FABP6: variants seen among roughly 807,000 people sequenced by gnomAD.
The protein encoded by FABP6 is gastrotropin.
A neutral mutation model predicts 14.9 loss-of-function variants in FABP6; 13 were observed. That is an observed-to-expected ratio of 0.87 (90% CI 0.57 to 1.39). The LOEUF (loss-of-function observed/expected upper bound fraction) is 1.39, where lower values mean the gene tolerates loss of function less well. Ranked by LOEUF, FABP6 falls within the 40% of genes most tolerant of loss-of-function variation. The probability of loss-of-function intolerance (pLI) is 0.00; values close to 1 mark genes in which losing one functional copy is unlikely to be tolerated. For synonymous variants in FABP6, 75 were observed against 63.6 expected, an observed-to-expected ratio of 1.18 and a Z score of -0.85; for missense variants, 161 against 167.2, an observed-to-expected ratio of 0.96 and a Z score of 0.20.
chr5:160,237,351 CAT>C (rs574203985), intron 3 of FABP6, among the ~76,000 whole-genome samples: 44 of 152,112 alleles, frequency 2.9e-4, no homozygotes, highest in Non-Finnish European at 5.6e-4. Context: ...CACACACACA[CAT>C]GACACAGCCA....
At chr5:160,194,609 G>A (rs1355264677) in intron 1 of FABP6, among the ~76,000 whole-genome samples, 2 of 152,070 alleles carry the variant, frequency 1.3e-5, no homozygotes, top group Non-Finnish European at 1.5e-5. Flanking sequence ...TTTCTGAGCT[G>A]GGCCTCTCAC....
intron 2 of FABP6, among the ~76,000 whole-genome samples, chr5:160,234,196 G>A (rs1440955087): frequency 6.6e-6 from 1 of 152,074 alleles, no homozygotes; most frequent in Non-Finnish European, 1.5e-5. Flanking sequence ...ATAGAAAAAT[G>A]TAAGTTATCT....
At chr5:160,217,264 C>T (rs1338246042) in intron 3 of FABP6, among the ~76,000 whole-genome samples, 1 of 152,094 alleles carries the variant, frequency 6.6e-6, no homozygotes, top group Non-Finnish European at 1.5e-5. Flanking sequence ...AGCTGTTAGG[C>T]AGGCAGTTGG....
At chr5:160,199,348 ATTG>A (rs368190475) in intron 2 of FABP6, among the ~76,000 whole-genome samples, 215 of 152,168 alleles carry the variant, frequency 1.4e-3, no homozygotes, top group African/African-American at 4.9e-3. Flanking sequence ...TGACAGTCTC[ATTG>A]TTGTTGTTAC....
intron 2 of FABP6, among the ~76,000 whole-genome samples, chr5:160,199,952 G>A (rs547150197): frequency 1.3e-5 from 2 of 152,296 alleles, no homozygotes; most frequent in Admixed American, 6.5e-5. Context: ...CCAGCCAGGG[G>A]CCCTCTGACT....
intron 2 of FABP6, among the ~76,000 whole-genome samples, chr5:160,209,584 T>C (rs912781683): frequency 2.0e-5 from 3 of 152,206 alleles, no homozygotes; most frequent in Non-Finnish European, 4.4e-5. Context: ...TGCCATGTGA[T>C]GCTCTGTACC....
chr5:160,196,469 G>C (rs1006095045), intron 1 of FABP6: 1 of 152,292 alleles, frequency 6.6e-6, no homozygotes, highest in Non-Finnish European at 1.5e-5. Flanking sequence ...CGAGCCTCAG[G>C]TCTTGTAAGG....
chr5:160,229,497 C>A (rs1366546701), upstream of FABP6: 3 of 1,611,226 alleles, frequency 1.9e-6, no homozygotes, highest in East Asian at 4.5e-5. Flanking sequence ...GGATAGCAGA[C>A]CCCTCAGCAC....
In FABP6 at chr5:160,199,074, C is replaced by T. The variant is rs1198745325; in HGVS notation, c.-33C>T. 2.5e-6 allele frequency: 4 copies of T among 1,613,558 alleles called. No individual in the cohort carries two copies. In the African/African-American group the frequency reaches 4.0e-5, roughly 16 times the overall value. The stretch of plus-strand genomic sequence containing the variant: ...ACTTTGCACCTCTGGCTCCAGGGAG[C>T]TCACAGGCAGGGGCTGGTCCAGCCC... On this transcript the variant is annotated 5_prime_UTR_variant, in exon 2 of 7. Coordinates refer to the FABP6 transcript ENST00000393980.
intron 2 of FABP6, among the ~76,000 whole-genome samples, chr5:160,204,094 G>A (rs1170635649): frequency 3.4e-5 from 5 of 149,146 alleles, no homozygotes; most frequent in Non-Finnish European, 5.9e-5. Context: ...AGCCGAGACT[G>A]TGCCACCACA....
chr5:160,195,149 G>A (rs774833499), intron 1 of FABP6, among the ~76,000 whole-genome samples: 1 of 152,078 alleles, frequency 6.6e-6, no homozygotes, highest in Non-Finnish European at 1.5e-5. Flanking sequence ...GCCGGGCATG[G>A]TGGCGGGTGC....
chr5:160,229,179 T>G (rs1373565124), upstream of FABP6, among the ~76,000 whole-genome samples: 1 of 152,098 alleles, frequency 6.6e-6, no homozygotes, highest in East Asian at 1.9e-4. Flanking sequence ...AGTGCTCAAG[T>G]GCTTTGGCTG....
At chr5:160,203,658 C>T (rs1265270605) in intron 2 of FABP6, among the ~76,000 whole-genome samples, 1 of 152,014 alleles carries the variant, frequency 6.6e-6, no homozygotes, top group African/African-American at 2.4e-5. Flanking sequence ...CCACTGCATC[C>T]AACTCCACCC....
intron 2 of FABP6, among the ~76,000 whole-genome samples, chr5:160,200,393 G>A (rs530419452): frequency 3.4e-5 from 5 of 148,862 alleles, no homozygotes; most frequent in South Asian, 2.2e-4. Context: ...GGATGCAAAC[G>A]CCCGTTGAGT....
chr5:160,221,642 T>C (rs1413092767), intron 3 of FABP6, among the ~76,000 whole-genome samples: 1 of 152,194 alleles, frequency 6.6e-6, no homozygotes, highest in Non-Finnish European at 1.5e-5. Context: ...GCCTAGAGCA[T>C]GGCGACAAAA....
intron 1 of FABP6, among the ~76,000 whole-genome samples, chr5:160,231,016 G>A (rs951161831): frequency 2.6e-5 from 4 of 152,214 alleles, no homozygotes; most frequent in Non-Finnish European, 4.4e-5. Flanking sequence ...GGAAATCTCA[G>A]TATCTCACTA....
intron 1 of FABP6, chr5:160,197,498 A>G (rs898736431): frequency 6.6e-6 from 1 of 152,286 alleles, no homozygotes. Context: ...TAATGCAGGG[A>G]CAGTGTGGCC....
intron 1 of FABP6, among the ~76,000 whole-genome samples, chr5:160,189,061 A>G (rs1185829110): frequency 6.6e-6 from 1 of 152,078 alleles, no homozygotes; most frequent in Non-Finnish European, 1.5e-5. Context: ...AAAGGGTCAG[A>G]GAGTAAATAC....
intron 2 of FABP6, chr5:160,199,315 C>A: frequency 1.4e-6 from 1 of 718,848 alleles, no homozygotes; most frequent in Non-Finnish European, 2.4e-6. Context: ...CTCCTTTCAG[C>A]TGTCTCTCTG....
Sources: allele counts gnomAD v4.1 joint callset (sites outside exome capture counted in the v4.1 genomes callset), GRCh38; gene constraint gnomAD v4.1.1; transcripts MANE v1.5; gene names NCBI Gene and HGNC (gene_info 2026-07-23, HGNC 2026-07-21).